Variants in LOXHD1 observed in about 807,000 individuals in gnomAD.
LOXHD1 encodes the protein lipoxygenase homology domain-containing protein 1.
Under a neutral mutation model 248.2 loss-of-function variants are expected in LOXHD1, and 205 were observed. That is an observed-to-expected ratio of 0.83 (90% CI 0.74 to 0.93). The LOEUF (loss-of-function observed/expected upper bound fraction) is 0.93, where lower values mean the gene tolerates loss of function less well. Ranked by LOEUF, LOXHD1 falls within the 40% of genes least tolerant of loss-of-function variation. LOXHD1 has a pLI of 0.00. For synonymous variants in LOXHD1, 1,113 were observed against 1,162.8 expected, an observed-to-expected ratio of 0.96 and a Z score of 0.87; for missense variants, 2,930 against 2,971.6, an observed-to-expected ratio of 0.99 and a Z score of 0.33.
rs537798235 is a variant in LOXHD1 at position 46,592,562 on chromosome 18, C to A, written c.1454G>T (p.Arg485Met). 1 of 1,551,628 alleles carries A rather than the reference C, an allele frequency of 6.4e-7. No individual in the cohort carries two copies. The highest frequency in any genetic ancestry group is 1.4e-5 in the African/African-American group (1 of 73,170). ...ATGCCATACTCGAATCTTATAAAACCTGCCAAGATCCGGGAGCTCAATCTA... is the reference window on the plus strand; with the variant it reads ...ATGCCATACTCGAATCTTATAAAACATGCCAAGATCCGGGAGCTCAATCTA... ...KFRIELPDLGRFYKIRVWHDK... is the reference protein window; with the variant it reads ...KFRIELPDLGMFYKIRVWHDK... Residue 485 changes from arginine to methionine, a missense_variant, in exon 11 of 41, where the codon AGG becomes ATG. Transcript: ENST00000642948.
At chr18:46,606,921 T>C (rs1429762386) in intron 6 of LOXHD1, among the ~76,000 whole-genome samples, 1 of 152,002 alleles carries the variant, frequency 6.6e-6, no homozygotes, top group Non-Finnish European at 1.5e-5. Context: ...AACACAGCAC[T>C]TTCAGAGGTC....
Position 46,592,514 on chromosome 18 carries a change from C to A in LOXHD1, c.1502G>T (p.Gly501Val), listed in dbSNP as rs2038190062. 6.4e-7 allele frequency: 1 copy of A among 1,551,554 alleles called. No individual in the cohort carries two copies. The highest frequency in any genetic ancestry group is 8.7e-7 in the Non-Finnish European group (1 of 1,146,894). ...GCATCTCACCCTTTCTAAATGCCATCCAGAACCAGAACTCCTTTTATCATG... is the reference window on the plus strand; with the variant it reads ...GCATCTCACCCTTTCTAAATGCCATACAGAACCAGAACTCCTTTTATCATG... ...VWHDKRSSGS[G>V]WHLERMTLMN... The change falls in exon 11 of 41, where the codon GGA becomes GTA. Residue 501 changes from glycine (G) to valine (V), a missense_variant. Coordinates refer to ENST00000642948, the MANE Select transcript of LOXHD1 (RefSeq NM_001384474.1).
At chr18:46,590,705 A>C (rs2038150387) in intron 12 of LOXHD1, among the ~76,000 whole-genome samples, 1 of 152,208 alleles carries the variant, frequency 6.6e-6, no homozygotes, top group Non-Finnish European at 1.5e-5. Context: ...ACCGAATGCA[A>C]AAAGGCAGGG....
intron 37 of LOXHD1, among the ~76,000 whole-genome samples, chr18:46,492,863 A>G (rs2033584575): frequency 6.6e-6 from 1 of 152,168 alleles, no homozygotes; most frequent in African/African-American, 2.4e-5. Context: ...GTCCTTGTTG[A>G]TGGGTAGTTA....
Position 46,521,094 on chromosome 18 carries a change from T to C in LOXHD1, c.5271+3A>G. 1.3e-6 allele frequency: 2 copies of C among 1,551,282 alleles called. No homozygotes were observed. Among genetic ancestry groups the C allele is most frequent in the East Asian group, 2.4e-5 (1 of 40,902 alleles). ...CACTGCACACTCACAGTGCCCCCCC[T>C]ACCTTCACCCCAATGTTCACCACCA... On this transcript the variant is annotated splice_donor_region_variant and intron_variant, in intron 33 of 40. Transcript: ENST00000642948.
chr18:46,586,234 G>A lies in LOXHD1; in HGVS notation c.1654+5699C>T, dbSNP rs538028698. On this transcript the variant is annotated intron_variant, in intron 12 of 40. Coordinates refer to ENST00000642948, the MANE Select transcript of LOXHD1 (RefSeq NM_001384474.1). Reference sequence around the variant, plus strand: ...ACAAAAAGTAGATTAGTGGTTGTCAGAGGCAGAGGGGTAAAGTGGGGAAAT... The same window carrying A: ...ACAAAAAGTAGATTAGTGGTTGTCAAAGGCAGAGGGGTAAAGTGGGGAAAT... 5.7e-4 allele frequency among the ~76,000 whole-genome samples: 87 copies of A among 152,326 alleles called. 1 individual carries two copies. Among genetic ancestry groups the A allele is most frequent in the Non-Finnish European group, 4.9e-4 (33 of 68,022 alleles).
chr18:46,545,864 C>T (rs900813668), intron 22 of LOXHD1, among the ~76,000 whole-genome samples: 1 of 151,500 alleles, frequency 6.6e-6, no homozygotes, highest in Admixed American at 6.6e-5. Context: ...CTCCTGACCT[C>T]GTGATCCGCC....
At chr18:46,581,611 G>A (rs2037964158) in intron 12 of LOXHD1, among the ~76,000 whole-genome samples, 1 of 152,112 alleles carries the variant, frequency 6.6e-6, no homozygotes, top group African/African-American at 2.4e-5. Context: ...TGAAGATATA[G>A]ACAAGGACTG....
At position 46,601,250 on chromosome 18, in the gene LOXHD1, A is replaced by G. The variant is rs1223718100; in HGVS notation, c.1101T>C (p.Asn367=). 1 of 1,551,696 alleles carries G rather than the reference A, an allele frequency of 6.4e-7. No individual in the cohort carries two copies. The highest frequency in any genetic ancestry group is 2.0e-5 in the Admixed American group (1 of 51,000). ...PLSRVSVGHG[N]VGVNRGWFCE... is the part of the protein sequence containing the mutation. ...AGAACCAGCCTCTGTTGACACCCAC[A>G]TTGCCATGCCCGACGGAGACCCGAC... The change falls in exon 8 of 41, where the codon AAT becomes AAC. Residue 367 remains asparagine, a synonymous_variant. Coordinates refer to ENST00000642948, the MANE Select transcript of LOXHD1 (RefSeq NM_001384474.1).
chr18:46,598,840 G>A (rs2038296908), intron 8 of LOXHD1, among the ~76,000 whole-genome samples: 1 of 152,146 alleles, frequency 6.6e-6, no homozygotes, highest in African/African-American at 2.4e-5. Flanking sequence ...CATAGATAGG[G>A]AAAGTCAATA....
chr18:46,528,323 C>T (rs374843500), intron 29 of LOXHD1, among the ~76,000 whole-genome samples: 62 of 149,554 alleles, frequency 4.1e-4, no homozygotes, highest in African/African-American at 6.2e-4. Context: ...GGAGCAAGGG[C>T]GGGGAGGGGC....
At chr18:46,543,728 G>A (rs1188735794) in intron 23 of LOXHD1, among the ~76,000 whole-genome samples, 1 of 152,072 alleles carries the variant, frequency 6.6e-6, no homozygotes, top group Admixed American at 6.5e-5. Flanking sequence ...AGTTTATGTT[G>A]AAAGAGATAC....
At chr18:46,610,562 A>C (rs1416630345) in intron 6 of LOXHD1, among the ~76,000 whole-genome samples, 1 of 152,204 alleles carries the variant, frequency 6.6e-6, no homozygotes, top group Non-Finnish European at 1.5e-5. Context: ...GAGAGGAAAA[A>C]AAGAGAAAGT....
At chr18:46,591,666 G>A (rs958223748) in intron 12 of LOXHD1, among the ~76,000 whole-genome samples, 1 of 152,186 alleles carries the variant, frequency 6.6e-6, no homozygotes. Flanking sequence ...CAGGGCAGAT[G>A]CTTCTCATCC....
Position 46,509,688 on chromosome 18 carries a change from G to T in LOXHD1, c.5517+10C>A. 6.5e-7 allele frequency: 1 copy of T among 1,537,244 alleles called. No homozygotes were observed. The highest frequency in any genetic ancestry group is 8.8e-7 in the Non-Finnish European group (1 of 1,133,800). ...GGCTGGAAGGAAGAGTGAGGGTCTA[G>T]ACATTTTACCCTCTCCAGGAACCAC... On this transcript the variant is annotated intron_variant, in intron 35 of 40. Coordinates refer to ENST00000642948, the MANE Select transcript of LOXHD1 (RefSeq NM_001384474.1).
At chr18:46,589,030 G>C (rs1490493760) in intron 12 of LOXHD1, among the ~76,000 whole-genome samples, 1 of 152,148 alleles carries the variant, frequency 6.6e-6, no homozygotes, top group Non-Finnish European at 1.5e-5. Flanking sequence ...AAGTGGGGTG[G>C]GCATGGACCA....
intron 35 of LOXHD1, 74 bp from the exon 36 acceptor site, chr18:46,507,786 C>A: frequency 6.9e-7 from 1 of 1,446,094 alleles, no homozygotes. Flanking sequence ...GCTCATGCAG[C>A]CCCTCCCCGA....
At chr18:46,645,686 G>C (rs1462029306) in intron 2 of LOXHD1, among the ~76,000 whole-genome samples, 1 of 152,010 alleles carries the variant, frequency 6.6e-6, no homozygotes, top group Non-Finnish European at 1.5e-5. Flanking sequence ...TGAGTACCAA[G>C]GAATGTAGGC....
Position 46,542,828 on chromosome 18 carries a change from G to A in LOXHD1, c.3647C>T (p.Thr1216Ile). The A allele has an allele frequency of 1.3e-6, 2 of 1,551,732 alleles. No homozygotes were observed. The highest frequency in any genetic ancestry group is 1.7e-6 in the Non-Finnish European group (2 of 1,147,002). Residue 1216 changes from threonine to isoleucine, a missense_variant, in exon 24 of 41, where the codon ACA becomes ATA. By Grantham distance (89) the Thr-to-Ile change is moderately conservative (BLOSUM62 -1). Coordinates refer to ENST00000642948, the MANE Select transcript of LOXHD1 (RefSeq NM_001384474.1). ...TGMTLLKSSK[T>I]NSDKFERDSI... Reference sequence around the variant, plus strand: ...GTCCCTCTCAAACTTATCGCTGTTTGTCTTGGAGGACTTCAGGAGGGTCAT... The same window carrying A: ...GTCCCTCTCAAACTTATCGCTGTTTATCTTGGAGGACTTCAGGAGGGTCAT...
Sources: allele counts gnomAD v4.1 joint callset (sites outside exome capture counted in the v4.1 genomes callset), GRCh38; gene constraint gnomAD v4.1.1; transcripts MANE v1.5; gene names NCBI Gene and HGNC (gene_info 2026-07-23, HGNC 2026-07-21).